Variants in EPG5 observed in about 807,000 individuals in gnomAD.
EPG5 encodes ectopic P granules protein 5 homolog.
Under a neutral mutation model 302.7 loss-of-function variants are expected in EPG5, and 159 were observed. The observed-to-expected ratio is 0.53, with a 90% CI of 0.46 to 0.60. EPG5 has a LOEUF of 0.60. Among genes scored for constraint, EPG5 ranks in the 20% least tolerant of loss-of-function variants. The pLI, the probability that EPG5 is intolerant of heterozygous loss-of-function variation, is 0.00. For missense variants in EPG5, 2,896 were observed against 3,092.4 expected (o/e 0.94, Z 1.51); for synonymous variants, 1,158 against 1,136.8 (o/e 1.02, Z -0.37).
At chr18:45,817,755 A>G in the EPG5 span, among the ~76,000 whole-genome samples, 4 of 152,222 alleles carry the variant, frequency 2.6e-5, no homozygotes, top group African/African-American at 9.6e-5. Context: ...CAAAAGAGAG[A>G]GCAACAAGGA....
chr18:45,940,337 C>T (rs898697383), intron 9 of EPG5, among the ~76,000 whole-genome samples: 9 of 152,190 alleles, frequency 5.9e-5, no homozygotes, highest in African/African-American at 9.7e-5. Context: ...GTGAGGACGT[C>T]GGCTTTTTCC....
chr18:45,866,244 C>T (rs993509429), intron 38 of EPG5, among the ~76,000 whole-genome samples: 1 of 151,736 alleles, frequency 6.6e-6, no homozygotes, highest in East Asian at 1.9e-4. Context: ...CTCAGTCTCC[C>T]GAGTAGCTGG....
At chr18:45,952,745 AAG>A in intron 2 of EPG5, 102 bp from the exon 3 acceptor site, 1 of 1,199,572 alleles carries the variant, frequency 8.3e-7, no homozygotes, top group South Asian at 1.4e-5. Flanking sequence ...ACCATCTTCA[AAG>A]AGCTTATAAT....
rs551953195 is a variant in EPG5 at position 45,852,125 on chromosome 18, G to A, written c.*342C>T. The A allele has an allele frequency of 1.0e-3, 187 of 182,102 alleles. 1 individual carries two copies. The highest frequency in any genetic ancestry group is 4.2e-3 in the African/African-American group (177 of 42,578). 11.3% of individuals were successfully genotyped at this position (182,102 alleles called of 1,614,324 possible). ...TTTACATAAAACAGAGACAGAAGTG[G>A]AAACATACAAAGAACTCCATCTGGA... is the stretch of plus-strand genomic sequence containing the variant. On this transcript the variant is annotated 3_prime_UTR_variant, in exon 44 of 44. Coordinates refer to ENST00000282041, the MANE Select transcript of EPG5 (RefSeq NM_020964.3).
Position 45,923,343 on chromosome 18 carries a change from T to C in EPG5, c.2763A>G (p.Leu921=), listed in dbSNP as rs1462083363. ...ACTTCTGATAAGCTTCAAGAACCAT[T>C]AAAGCCACTTCAGCATGGACTGCTT... ...LDQAVHAEVA[L]MVLEAYQKYL... The change falls in exon 15 of 44, where the codon TTA becomes TTG. Residue 921 remains leucine, a synonymous_variant. Transcript: ENST00000282041. 4 of 1,613,892 alleles carry C rather than the reference T, an allele frequency of 2.5e-6. No individual in the cohort carries two copies. Among genetic ancestry groups the C allele is most frequent in the Middle Eastern group, 1.6e-4 (1 of 6,082 alleles).
the EPG5 span, among the ~76,000 whole-genome samples, chr18:45,830,044 G>C: frequency 6.6e-6 from 1 of 152,160 alleles, no homozygotes; most frequent in Non-Finnish European, 1.5e-5. Context: ...CATCCACAGA[G>C]AGCAAGTGAC....
chr18:45,917,850 C>A, intron 16 of EPG5, 31 bp from the exon 17 acceptor site: 1 of 1,611,426 alleles, frequency 6.2e-7, no homozygotes, highest in South Asian at 1.1e-5. Context: ...ACTGAATACA[C>A]AAGGGAGCTG....
intron 43 of EPG5, among the ~76,000 whole-genome samples, chr18:45,853,205 G>A (rs1295737036): frequency 1.3e-5 from 2 of 152,218 alleles, no homozygotes; most frequent in Non-Finnish European, 2.9e-5. Flanking sequence ...GGAACCAGTT[G>A]CTAAGTGCTG....
chr18:45,834,632 A>G, the EPG5 span, among the ~76,000 whole-genome samples: 2 of 152,244 alleles, frequency 1.3e-5, no homozygotes, highest in Non-Finnish European at 2.9e-5. Flanking sequence ...TGTGCCTACA[A>G]ATCTGTCTCC....
Position 45,910,561 on chromosome 18 carries a change from C to CAGGGGTGCCAG in EPG5, c.4154_4164dup (p.Gly1389LeufsTer7). On this transcript the variant is annotated frameshift_variant, in exon 23 of 44. Transcript: ENST00000282041. LOFTEE classifies it high-confidence loss of function. Reference sequence around the variant, plus strand: ...TGCAGTTCTGGTGAAGTCAGGTAACCAGGGGTGCCAGAGTGGCTCTCTGGC... The same window carrying CAGGGGTGCCAG: ...TGCAGTTCTGGTGAAGTCAGGTAACCAGGGGTGCCAGAGGGGTGCCAGAGTGGCTCTCTGGC... The CAGGGGTGCCAG allele has an allele frequency of 6.2e-7, 1 of 1,613,266 alleles. No homozygotes were observed. Among genetic ancestry groups the CAGGGGTGCCAG allele is most frequent in the Non-Finnish European group, 8.5e-7 (1 of 1,179,740 alleles).
Position 45,967,159 on chromosome 18 carries a change from G to C in EPG5, c.63+18C>G. 7.0e-7 allele frequency: 1 copy of C among 1,436,932 alleles called. No individual in the cohort carries two copies. The highest frequency in any genetic ancestry group is 9.1e-7 in the Non-Finnish European group (1 of 1,099,342). The allele number at this position is 1,436,932 out of a possible 1,614,324, so 89.0% of individuals were successfully genotyped here. On this transcript the variant is annotated intron_variant, in intron 1 of 43. Coordinates refer to ENST00000282041, the MANE Select transcript of EPG5 (RefSeq NM_020964.3). Reference sequence around the variant, plus strand: ...CAGCACACTGCCAGAGCCTCGGGAGGGTGGGGGAGATCCTCACCTTTGTTT... The same window carrying C: ...CAGCACACTGCCAGAGCCTCGGGAGCGTGGGGGAGATCCTCACCTTTGTTT...
rs550221652 is a variant in EPG5, at chr18:45,936,564, C to T, written c.2100-1598G>A. Among the ~76,000 whole-genome samples, 10 of 151,964 alleles carry T rather than the reference C, an allele frequency of 6.6e-5. No individual in the cohort carries two copies. The South Asian group carries it at 1.7e-3, about 25-fold the overall frequency. On this transcript the variant is annotated intron_variant, in intron 10 of 43. Coordinates refer to ENST00000282041, the MANE Select transcript of EPG5 (RefSeq NM_020964.3). ...CCAATATAGTGAAACCCCATCTCTA[C>T]TAAAAATATAAAAATTAGCCGGGCA...
chr18:45,894,649 T>C (rs1338171916), intron 27 of EPG5, among the ~76,000 whole-genome samples: 1 of 152,028 alleles, frequency 6.6e-6, no homozygotes, highest in African/African-American at 2.4e-5. Flanking sequence ...CTGAACTAAA[T>C]ACTGAAGGCT....
intron 24 of EPG5, among the ~76,000 whole-genome samples, chr18:45,907,515 C>T (rs2049782882): frequency 6.6e-6 from 1 of 152,096 alleles, no homozygotes; most frequent in South Asian, 2.1e-4. Flanking sequence ...AAGTAAGCAC[C>T]TCCAAGCCAA....
intron 19 of EPG5, 21 bp downstream of exon 19, chr18:45,915,988 A>C (rs753855162): frequency 6.3e-7 from 1 of 1,586,882 alleles, no homozygotes; most frequent in Non-Finnish European, 8.6e-7. Flanking sequence ...TGAAAGATAA[A>C]TTCTCTAACA....
chr18:45,828,557 C>T, the EPG5 span, among the ~76,000 whole-genome samples: 1 of 152,216 alleles, frequency 6.6e-6, no homozygotes, highest in African/African-American at 2.4e-5. Flanking sequence ...CAACCACAAC[C>T]ACTGTCATCT....
the EPG5 span, chr18:45,838,823 G>A: frequency 6.4e-7 from 1 of 1,561,552 alleles, no homozygotes; most frequent in Non-Finnish European, 8.6e-7. Flanking sequence ...GCCTGGTCCG[G>A]CCCGGCCCTG....
chr18:45,831,110 C>G, the EPG5 span, among the ~76,000 whole-genome samples: 1 of 152,084 alleles, frequency 6.6e-6, no homozygotes, highest in Non-Finnish European at 1.5e-5. Flanking sequence ...CCGGACAGAC[C>G]CCTGACACCC....
chr18:45,954,546 C>T lies in EPG5; in HGVS notation c.856G>A (p.Asp286Asn). 6.2e-7 allele frequency: 1 copy of T among 1,614,260 alleles called. No individual in the cohort carries two copies. Among genetic ancestry groups the T allele is most frequent in the Non-Finnish European group, 8.5e-7 (1 of 1,180,042 alleles). ...LEEFDSMAHQ[D>N]RHEFYELLLN... ...AGCAACTCATAAAATTCATGCCTGT[C>T]TTGATGAGCCATGCTGTCAAATTCT... is the stretch of plus-strand genomic sequence containing the variant. The change falls in exon 2 of 44, where the codon GAC becomes AAC. Residue 286 changes from aspartate to asparagine, a missense_variant. Around this residue, in one of 5 missense-constraint regions of EPG5, gnomAD observed 1,390 missense variants for 1,430.0 expected, o/e 0.97. Coordinates refer to ENST00000282041, the MANE Select transcript of EPG5 (RefSeq NM_020964.3).
Sources: allele counts gnomAD v4.1 joint callset (sites outside exome capture counted in the v4.1 genomes callset), GRCh38; gene constraint gnomAD v4.1.1; regional missense constraint gnomAD v4.1.1; transcripts MANE v1.5; gene names NCBI Gene and HGNC (gene_info 2026-07-23, HGNC 2026-07-21).